Variants in KCNJ6 observed in about 807,000 individuals in gnomAD.
The protein encoded by KCNJ6 is G protein-activated inward rectifier potassium channel 2.
In KCNJ6, 9 loss-of-function variants were observed where a neutral mutation model predicts 34.2. The observed-to-expected ratio is 0.26, with a 90% CI of 0.16 to 0.46. The LOEUF (loss-of-function observed/expected upper bound fraction) is 0.46. KCNJ6 is among the 20% of genes least tolerant of loss of function. The pLI, the probability that KCNJ6 is intolerant of heterozygous loss-of-function variation, is 1.00. For missense variants in KCNJ6, 236 were observed against 531.3 expected (o/e 0.44, Z 5.46); for synonymous variants, 196 against 207.1 (o/e 0.95, Z 0.46).
intron 3 of KCNJ6, among the ~76,000 whole-genome samples, chr21:37,657,800 C>T (rs771677294): frequency 3.3e-5 from 5 of 152,226 alleles, no homozygotes; most frequent in Non-Finnish European, 7.3e-5. Flanking sequence ...CCCGCCCAGG[C>T]CACCCTCTGG....
intron 2 of KCNJ6, among the ~76,000 whole-genome samples, chr21:37,773,768 A>G (rs2055128990): frequency 6.6e-6 from 1 of 152,170 alleles, no homozygotes; most frequent in South Asian, 2.1e-4. Context: ...TTATAGTCCT[A>G]GGATTACTGT....
In KCNJ6 at chr21:37,740,562, TTTGA is replaced by T. The variant is rs549168475; in HGVS notation, c.26-25435_26-25432del. On this transcript the variant is annotated intron_variant, in intron 2 of 3. Coordinates refer to ENST00000609713, the MANE Select transcript of KCNJ6 (RefSeq NM_002240.5). ...TGAACCAATGTATTTCTGAAATGTA[TTTGA>T]TTGAAGTCTCATGTCTCCCTAAAAT... is the stretch of plus-strand genomic sequence containing the variant. 3.1e-3 allele frequency among the ~76,000 whole-genome samples: 473 copies of T among 152,330 alleles called. 1 individual carries two copies. Among genetic ancestry groups the T allele is most frequent in the African/African-American group, 0.011 (457 of 41,576 alleles).
chr21:37,688,162 C>A lies in KCNJ6; in HGVS notation c.946+26049G>T, dbSNP rs552422372. Among the ~76,000 whole-genome samples, 157 of 152,206 alleles carry A rather than the reference C, an allele frequency of 1.0e-3. 3 individuals carry two copies. The South Asian group carries it at 0.032, about 31-fold the overall frequency. On this transcript the variant is annotated intron_variant, in intron 3 of 3. Coordinates refer to ENST00000609713, the MANE Select transcript of KCNJ6 (RefSeq NM_002240.5). Reference sequence around the variant, plus strand: ...TTCTCTTATAAGGATAATTTTAGAGCAAAACTGTTCTAACATATTTGAATT... The same window carrying A: ...TTCTCTTATAAGGATAATTTTAGAGAAAAACTGTTCTAACATATTTGAATT...
chr21:37,618,835 G>A lies in KCNJ6; in HGVS notation c.*6324C>T, dbSNP rs1403504054. 6.6e-6 allele frequency: 1 copy of A among 152,098 alleles called. No individual in the cohort carries two copies. Among genetic ancestry groups the A allele is most frequent in the African/African-American group, 2.4e-5 (1 of 41,408 alleles). 9.4% of individuals were successfully genotyped at this position (152,098 alleles called of 1,614,324 possible). On this transcript the variant is annotated 3_prime_UTR_variant, in exon 4 of 4. Transcript: ENST00000609713. ...AAAGTATTTTGCCTTCCTTTTCCTA[G>A]GACTCTCTTATTGAATTAGGTGGAT...
intron 2 of KCNJ6, among the ~76,000 whole-genome samples, chr21:37,723,934 T>C (rs1247366006): frequency 7.5e-6 from 1 of 132,646 alleles, no homozygotes; most frequent in Middle Eastern, 3.7e-3. Flanking sequence ...AGAAAACAAA[T>C]AAAAAAAAAA....
intron 2 of KCNJ6, among the ~76,000 whole-genome samples, chr21:37,725,807 A>G (rs2054851496): frequency 1.3e-5 from 2 of 152,364 alleles, no homozygotes; most frequent in Admixed American, 6.5e-5. Context: ...GATATAATCA[A>G]TGGAATACCA....
intron 3 of KCNJ6, among the ~76,000 whole-genome samples, chr21:37,639,035 T>G (rs904171012): frequency 3.3e-5 from 5 of 152,332 alleles, no homozygotes; most frequent in African/African-American, 1.2e-4. Context: ...GTCACCTTAT[T>G]TAGCCTGAGG....
chr21:37,661,781 C>T (rs370337162), intron 3 of KCNJ6, among the ~76,000 whole-genome samples: 2 of 97,250 alleles, frequency 2.1e-5, no homozygotes, highest in African/African-American at 4.1e-5. Context: ...GGCCACCATG[C>T]CCCGCTAATT....
intron 2 of KCNJ6, among the ~76,000 whole-genome samples, chr21:37,802,393 A>T (rs1391770093): frequency 6.7e-6 from 1 of 149,140 alleles, no homozygotes; most frequent in African/African-American, 2.4e-5. Flanking sequence ...TGTGAAGGGG[A>T]GATGGTCCTG....
chr21:37,711,237 C>T (rs766137225), intron 3 of KCNJ6, among the ~76,000 whole-genome samples: 21 of 152,362 alleles, frequency 1.4e-4, no homozygotes, highest in Middle Eastern at 3.4e-3. Context: ...TCCCAGCAGA[C>T]GGAAGGACCC....
intron 1 of KCNJ6, among the ~76,000 whole-genome samples, chr21:37,887,120 T>C (rs2123630305): frequency 6.6e-6 from 1 of 151,894 alleles, no homozygotes; most frequent in South Asian, 2.1e-4. Flanking sequence ...GACCAAGGAG[T>C]TTCCTGCATC....
chr21:37,811,630 T>C (rs528165630), intron 2 of KCNJ6, among the ~76,000 whole-genome samples: 48 of 152,302 alleles, frequency 3.2e-4, no homozygotes, highest in African/African-American at 1.1e-3. Context: ...AGGGAGTTTG[T>C]CTTGTTCATA....
intron 3 of KCNJ6, among the ~76,000 whole-genome samples, chr21:37,683,210 T>A (rs1036030897): frequency 6.6e-6 from 1 of 152,132 alleles, no homozygotes; most frequent in Non-Finnish European, 1.5e-5. Flanking sequence ...AATTCACACA[T>A]AAGCACAAAG....
intron 2 of KCNJ6, among the ~76,000 whole-genome samples, chr21:37,759,357 G>C (rs897008754): frequency 6.6e-6 from 1 of 152,196 alleles, no homozygotes; most frequent in Non-Finnish European, 1.5e-5. Context: ...CAGAATGTTT[G>C]AGGGCTTGGT....
At chr21:37,764,031 T>C in intron 2 of KCNJ6, among the ~76,000 whole-genome samples, 1 of 152,138 alleles carries the variant, frequency 6.6e-6, no homozygotes, top group East Asian at 1.9e-4. Flanking sequence ...TGTCTAGGAG[T>C]AGAACCAAGT....
chr21:37,723,452 A>G (rs1345573051), intron 2 of KCNJ6, among the ~76,000 whole-genome samples: 4 of 152,218 alleles, frequency 2.6e-5, no homozygotes, highest in Non-Finnish European at 5.9e-5. Flanking sequence ...TTCTTCTACC[A>G]AGAAGATACA....
intron 3 of KCNJ6, among the ~76,000 whole-genome samples, chr21:37,645,375 CAAAT>C (rs1193697480): frequency 6.6e-6 from 1 of 151,992 alleles, no homozygotes; most frequent in Non-Finnish European, 1.5e-5. Context: ...TAAAAACAAA[CAAAT>C]AAAAACAAAT....
At chr21:37,632,686 T>A (rs796427552) in intron 3 of KCNJ6, among the ~76,000 whole-genome samples, 1 of 147,376 alleles carries the variant, frequency 6.8e-6, no homozygotes, top group East Asian at 2.2e-4. Context: ...ATACATAACT[T>A]TAGAAACAGC....
intron 3 of KCNJ6, among the ~76,000 whole-genome samples, chr21:37,639,149 G>GA (rs1165648442): frequency 6.6e-6 from 1 of 152,114 alleles, no homozygotes; most frequent in African/African-American, 2.4e-5. Flanking sequence ...CTACCTAATA[G>GA]AACACTCACC....
Sources: gnomAD v4.1 joint callset for allele counts (sites outside exome capture counted in the v4.1 genomes callset) on GRCh38, gnomAD v4.1.1 for gene constraint, MANE v1.5 for transcripts, NCBI Gene and HGNC (gene_info 2026-07-23, HGNC 2026-07-21) for gene names.